Variants in STRA6 observed in about 807,000 individuals in gnomAD.
The protein encoded by STRA6 is signaling receptor and transporter of retinol STRA6.
STRA6 carries 48 observed loss-of-function variants against 83.6 expected under a neutral mutation model. That is an observed-to-expected ratio of 0.57 (90% CI 0.46 to 0.73). The LOEUF is 0.73. Among genes scored for constraint, STRA6 ranks in the 30% least tolerant of loss-of-function variants. The pLI is 0.00. For synonymous variants in STRA6, 353 were observed against 362.3 expected, an observed-to-expected ratio of 0.97 and a Z score of 0.29; for missense variants, 760 against 838.8, an observed-to-expected ratio of 0.91 and a Z score of 1.16.
At chr15:74,204,792 G>A (rs553348213), upstream of STRA6, among the ~76,000 whole-genome samples, 12 of 152,188 alleles carry the variant, frequency 7.9e-5, no homozygotes, top group African/African-American at 1.7e-4. Context: ...AAAATTAGCC[G>A]GACGTGGTGG....
rs983001763 is a variant in STRA6, at chr15:74,179,866, A to G, written c.*214T>C. 4.8e-6 allele frequency: 3 copies of G among 622,938 alleles called. No homozygotes were observed. Among genetic ancestry groups the G allele is most frequent in the Admixed American group, 6.1e-5 (2 of 32,948 alleles). 38.6% of individuals were successfully genotyped at this position (622,938 alleles called of 1,614,324 possible). A position where few individuals can be genotyped will look rare whatever the true frequency, so the allele number is the denominator to read the frequency against. Reference sequence around the variant, plus strand: ...CCCTAACCCACCAGTTTCTTTCTCCAGAACCCCTGCTGGCTCTCCCATAGC... The same window carrying G: ...CCCTAACCCACCAGTTTCTTTCTCCGGAACCCCTGCTGGCTCTCCCATAGC... On this transcript the variant is annotated 3_prime_UTR_variant, in exon 19 of 19. Coordinates refer to ENST00000395105, the MANE Select transcript of STRA6 (RefSeq NM_022369.4).
chr15:74,208,570 A>G (rs920623041), intron 1 of STRA6, among the ~76,000 whole-genome samples: 1 of 152,036 alleles, frequency 6.6e-6, no homozygotes, highest in Non-Finnish European at 1.5e-5. Flanking sequence ...GACTCTGCGA[A>G]TGTCTCCTGC....
upstream of STRA6, chr15:74,209,168 G>T: frequency 7.7e-7 from 1 of 1,291,072 alleles, no homozygotes; most frequent in Non-Finnish European, 1.0e-6. Flanking sequence ...CAGAGCAGGG[G>T]CTGGGGCCCC....
At chr15:74,211,266 T>G (rs1030038356), upstream of STRA6, among the ~76,000 whole-genome samples, 1 of 152,070 alleles carries the variant, frequency 6.6e-6, no homozygotes, top group African/African-American at 2.4e-5. Context: ...CTTCTGGGAT[T>G]GAGGGAAGGC....
chr15:74,203,650 A>G (rs544655590), upstream of STRA6, among the ~76,000 whole-genome samples: 1 of 152,322 alleles, frequency 6.6e-6, no homozygotes, highest in South Asian at 2.1e-4. Context: ...AACACACACT[A>G]TGTGCCAGCA....
upstream of STRA6, among the ~76,000 whole-genome samples, chr15:74,205,169 G>A (rs758279951): frequency 2.0e-5 from 3 of 152,156 alleles, no homozygotes; most frequent in Non-Finnish European, 4.4e-5. Context: ...AGGCCTCACT[G>A]AGAAGGTGGT....
intron 13 of STRA6, among the ~76,000 whole-genome samples, chr15:74,184,464 G>A (rs1027094506): frequency 5.9e-5 from 9 of 152,276 alleles, no homozygotes; most frequent in Middle Eastern, 3.4e-3. Context: ...CACCTGCCCT[G>A]GGCCTTCAGT....
upstream of STRA6, among the ~76,000 whole-genome samples, chr15:74,211,100 T>C (rs141730608): frequency 0.016 from 2,340 of 150,850 alleles, 60 homozygotes; most frequent in African/African-American, 0.054. Context: ...GGTCAGTGAC[T>C]GACCTAGGGG....
chr15:74,197,721 G>A (rs1419018900), intron 3 of STRA6, 31 bp downstream of exon 3: 7 of 1,611,198 alleles, frequency 4.3e-6, no homozygotes, highest in Non-Finnish European at 5.9e-6. Context: ...GCAGCAGCTT[G>A]CAAGCCAGGT....
chr15:74,181,160 G>A (rs2072962552), intron 17 of STRA6, 135 bp downstream of exon 17: 6 of 1,418,744 alleles, frequency 4.2e-6, no homozygotes, highest in Admixed American at 2.0e-5. Context: ...CACAGCGCAG[G>A]GGCACACAGG....
intron 2 of STRA6, 64 bp from the exon 3 acceptor site, chr15:74,197,882 T>C: frequency 6.4e-7 from 1 of 1,561,400 alleles, no homozygotes; most frequent in East Asian, 2.3e-5. Flanking sequence ...CAGATGGGTC[T>C]GGGGTTCAAG....
At chr15:74,197,001 G>A (rs572558576) in intron 4 of STRA6, among the ~76,000 whole-genome samples, 21 of 152,302 alleles carry the variant, frequency 1.4e-4, no homozygotes, top group South Asian at 6.2e-4. Context: ...GGAAGATGAC[G>A]GTCAAGATGG....
chr15:74,202,660 A>T, intron 1 of STRA6, 53 bp downstream of exon 1: 1 of 1,390,182 alleles, frequency 7.2e-7, no homozygotes, highest in East Asian at 2.6e-5. Flanking sequence ...GCCTAAAGAG[A>T]CGCCCCTTCC....
intron 11 of STRA6, among the ~76,000 whole-genome samples, chr15:74,189,505 A>G (rs1315607954): frequency 6.6e-6 from 1 of 152,210 alleles, no homozygotes; most frequent in Non-Finnish European, 1.5e-5. Flanking sequence ...CGAGCACCGT[A>G]ACTTCATATA....
At chr15:74,197,536 CAT>C in intron 3 of STRA6, 113 bp from the exon 4 acceptor site, 1 of 1,114,020 alleles carries the variant, frequency 9.0e-7, no homozygotes, top group Middle Eastern at 2.7e-4. Context: ...AGTGCACACT[CAT>C]GTGACATCTT....
intron 2 of STRA6, among the ~76,000 whole-genome samples, chr15:74,198,388 G>A (rs2073917859): frequency 2.0e-5 from 3 of 152,146 alleles, no homozygotes; most frequent in Non-Finnish European, 4.4e-5. Context: ...TGGGATTACA[G>A]GTGTGAGCCA....
At position 74,194,293 on chromosome 15, in the gene STRA6, A is replaced by G. The variant is rs2073704456; in HGVS notation, c.598-371T>C. On this transcript the variant is annotated intron_variant, in intron 7 of 18. Coordinates refer to ENST00000395105, the MANE Select transcript of STRA6 (RefSeq NM_022369.4). ...CACGAAAGCCTGCCTTTGCCTACAT[A>G]TAGTTTTCAACCTGAGCATCAGGAA... 3.6e-6 allele frequency: 4 copies of G among 1,108,710 alleles called. No homozygotes were observed. In the Admixed American group the frequency reaches 1.1e-4, roughly 32 times the overall value. 68.7% of individuals were successfully genotyped at this position (1,108,710 alleles called of 1,614,324 possible).
intron 7 of STRA6, chr15:74,194,402 T>C: frequency 9.4e-7 from 1 of 1,061,610 alleles, no homozygotes; most frequent in Non-Finnish European, 1.1e-6. Flanking sequence ...TGGTTCAATA[T>C]ACTTTTATTG....
At chr15:74,207,926 T>C (rs1238856536) in intron 1 of STRA6, 2 of 1,467,850 alleles carry the variant, frequency 1.4e-6, no homozygotes, top group African/African-American at 1.4e-5. Flanking sequence ...AGGAAGAGTA[T>C]GGGTGACTCT....
Sources: allele counts gnomAD v4.1 joint callset (sites outside exome capture counted in the v4.1 genomes callset), GRCh38; gene constraint gnomAD v4.1.1; transcripts MANE v1.5; gene names NCBI Gene and HGNC (gene_info 2026-07-23, HGNC 2026-07-21).